COMMD10: variants seen among roughly 807,000 people sequenced by gnomAD.
COMMD10 encodes COMM domain containing 10.
A neutral mutation model predicts 28.9 loss-of-function variants in COMMD10; 33 were observed. The observed-to-expected ratio is 1.14, with a 90% confidence interval of 0.87 to 1.53. The LOEUF (loss-of-function observed/expected upper bound fraction) is 1.53, where lower values mean the gene tolerates loss of function less well. Ranked by LOEUF, COMMD10 falls within the 40% of genes most tolerant of loss-of-function variation. The pLI, the probability that COMMD10 is intolerant of heterozygous loss-of-function variation, is 0.00. For synonymous variants in COMMD10, 110 were observed against 81.7 expected, an observed-to-expected ratio of 1.35 and a Z score of -1.87; for missense variants, 310 against 233.4, an observed-to-expected ratio of 1.33 and a Z score of -2.14.
intron 5 of COMMD10, among the ~76,000 whole-genome samples, chr5:116,188,056 G>C (rs1203190223): frequency 1.3e-5 from 2 of 152,138 alleles, no homozygotes; most frequent in African/African-American, 4.8e-5. Context: ...GTTTACAACA[G>C]AAGGTTTACT....
chr5:116,254,289 G>C (rs1028665617), intron 5 of COMMD10, among the ~76,000 whole-genome samples: 11 of 147,102 alleles, frequency 7.5e-5, no homozygotes, highest in East Asian at 1.9e-4. Flanking sequence ...TTTTGTGTCT[G>C]TATTTCCTTC....
At chr5:116,207,430 T>G (rs543412427) in intron 5 of COMMD10, among the ~76,000 whole-genome samples, 6 of 152,318 alleles carry the variant, frequency 3.9e-5, no homozygotes, top group Middle Eastern at 3.4e-3. Flanking sequence ...TTCAAGAAGT[T>G]GTACAAAGAT....
At chr5:116,184,246 A>G (rs4507525) in intron 5 of COMMD10, among the ~76,000 whole-genome samples, 47,340 of 150,304 alleles carry the variant, frequency 0.31, 10,453 homozygotes, top group African/African-American at 0.63. Flanking sequence ...CAGGATGTCA[A>G]TCCTTTTGTG....
At chr5:116,251,286 ATTT>A (rs1750109379) in intron 5 of COMMD10, among the ~76,000 whole-genome samples, 2 of 128,642 alleles carry the variant, frequency 1.6e-5, no homozygotes, top group Non-Finnish European at 3.4e-5. Flanking sequence ...TTATTTATTT[ATTT>A]ATTTATTTAT....
chr5:116,139,417 A>G (rs1253229786), intron 5 of COMMD10, among the ~76,000 whole-genome samples: 1 of 151,748 alleles, frequency 6.6e-6, no homozygotes, highest in East Asian at 1.9e-4. Flanking sequence ...AAAAGAAAAG[A>G]TGTCCTCAGA....
At chr5:116,237,274 A>G (rs1334646000) in intron 5 of COMMD10, among the ~76,000 whole-genome samples, 1 of 152,142 alleles carries the variant, frequency 6.6e-6, no homozygotes, top group African/African-American at 2.4e-5. Flanking sequence ...GGGCTGCGTC[A>G]CTAGTCTAGA....
At chr5:116,142,264 T>C (rs908473830) in intron 5 of COMMD10, among the ~76,000 whole-genome samples, 1 of 151,882 alleles carries the variant, frequency 6.6e-6, no homozygotes, top group African/African-American at 2.4e-5. Flanking sequence ...TGCATTATGT[T>C]ATGGCTATGA....
rs1380013510 is a variant in COMMD10 at position 116,116,898 on chromosome 5, T to G, written c.400-17170T>G. Among the ~76,000 whole-genome samples the G allele has an allele frequency of 2.6e-5, 4 of 152,154 alleles. No individual in the cohort carries two copies. The South Asian group carries it at 8.3e-4, about 31-fold the overall frequency. On this transcript the variant is annotated intron_variant, in intron 4 of 6. Coordinates refer to ENST00000274458, the MANE Select transcript of COMMD10 (RefSeq NM_016144.4). The stretch of plus-strand genomic sequence containing the variant: ...AGTCTGATGGGTTTTAGAAGTTATA[T>G]ACACACATTTAATTATGATACCTAA...
intron 5 of COMMD10, among the ~76,000 whole-genome samples, chr5:116,174,142 G>T (rs1022801986): frequency 7.3e-6 from 1 of 136,140 alleles, no homozygotes; most frequent in Admixed American, 7.0e-5. Context: ...TTTTAGGGAA[G>T]GCTTTTCTTC....
chr5:116,106,092 T>C lies in COMMD10; in HGVS notation c.399+13392T>C, dbSNP rs556828706. 5.8e-4 allele frequency among the ~76,000 whole-genome samples: 87 copies of C among 149,150 alleles called. 1 individual carries two copies. Among genetic ancestry groups the C allele is most frequent in the Non-Finnish European group, 1.0e-3 (68 of 67,768 alleles). On this transcript the variant is annotated intron_variant, in intron 4 of 6. Transcript: ENST00000274458. The stretch of plus-strand genomic sequence containing the variant: ...GATCTTTCCTGTTTTTGTTGAGTTT[T>C]GTTTTATTTTTTTTTTTGTGTGGGC...
chr5:116,174,154 T>TGATAA (rs111682722), intron 5 of COMMD10, among the ~76,000 whole-genome samples: 46,870 of 151,728 alleles, frequency 0.31, 10,101 homozygotes, highest in African/African-American at 0.62. Flanking sequence ...CTTTTCTTCC[T>TGATAA]GATAATACCT....
intron 4 of COMMD10, among the ~76,000 whole-genome samples, chr5:116,098,622 A>C (rs1407632434): frequency 6.6e-6 from 1 of 152,120 alleles, no homozygotes; most frequent in Non-Finnish European, 1.5e-5. Flanking sequence ...ATTATATTTA[A>C]ATACTGTGTC....
chr5:116,109,719 A>G (rs113013949), intron 4 of COMMD10, among the ~76,000 whole-genome samples: 135 of 152,306 alleles, frequency 8.9e-4, no homozygotes, highest in African/African-American at 3.1e-3. Context: ...CTGATTTTTC[A>G]TGTTGATTTT....
chr5:116,164,295 T>C (rs980658947), intron 5 of COMMD10, among the ~76,000 whole-genome samples: 1 of 151,350 alleles, frequency 6.6e-6, no homozygotes, highest in African/African-American at 2.4e-5. Flanking sequence ...CACTCCAGCC[T>C]GGGCAACACA....
intron 5 of COMMD10, among the ~76,000 whole-genome samples, chr5:116,245,707 A>T (rs181109347): frequency 6.6e-6 from 1 of 152,302 alleles, no homozygotes; most frequent in African/African-American, 2.4e-5. Flanking sequence ...AATAAATGTC[A>T]TTCATCACAT....
At chr5:116,088,849 C>T (rs1750207882) in intron 2 of COMMD10, among the ~76,000 whole-genome samples, 1 of 152,208 alleles carries the variant, frequency 6.6e-6, no homozygotes, top group Admixed American at 6.5e-5. Context: ...GATTAGCAGG[C>T]AACCAAATCC....
intron 1 of COMMD10, among the ~76,000 whole-genome samples, chr5:116,086,082 T>G (rs1750081412): frequency 6.6e-6 from 1 of 152,196 alleles, no homozygotes; most frequent in South Asian, 2.1e-4. Context: ...TTTGGGAATT[T>G]AAATACCCTC....
intron 4 of COMMD10, among the ~76,000 whole-genome samples, chr5:116,106,218 A>G (rs1750834248): frequency 1.3e-5 from 2 of 150,754 alleles, no homozygotes; most frequent in South Asian, 4.2e-4. Flanking sequence ...GAACAACTTT[A>G]TTTTTGCTTT....
At chr5:116,202,521 A>C (rs189253891) in intron 5 of COMMD10, among the ~76,000 whole-genome samples, 1 of 149,170 alleles carries the variant, frequency 6.7e-6, no homozygotes, top group Non-Finnish European at 1.5e-5. Flanking sequence ...AAGTGTTCCT[A>C]TTTCTCCACA....
Sources: gnomAD v4.1 joint callset for allele counts (sites outside exome capture counted in the v4.1 genomes callset) on GRCh38, gnomAD v4.1.1 for gene constraint, MANE v1.5 for transcripts, NCBI Gene and HGNC (gene_info 2026-07-23, HGNC 2026-07-21) for gene names.